FAM118A: variants seen among roughly 807,000 people sequenced by gnomAD.
FAM118A encodes SIR2 antiphage like 2, also known as protein FAM118A.
FAM118A carries 25 observed loss-of-function variants against 38.2 expected under a neutral mutation model. The observed-to-expected ratio is 0.65, with a 90% CI of 0.48 to 0.91. The LOEUF (loss-of-function observed/expected upper bound fraction) is 0.91, where lower values mean the gene tolerates loss of function less well. FAM118A is among the 40% of genes least tolerant of loss of function. The pLI is 0.00. For missense variants in FAM118A, 425 were observed against 463.3 expected (o/e 0.92, Z 0.76); for synonymous variants, 178 against 184.1 (o/e 0.97, Z 0.27).
At chr22:45,325,798 G>A (rs1187131661) in intron 3 of FAM118A, among the ~76,000 whole-genome samples, 2 of 152,124 alleles carry the variant, frequency 1.3e-5, no homozygotes, top group East Asian at 1.9e-4. Flanking sequence ...AAATTATGAC[G>A]GCACAGCTGG....
chr22:45,329,755 C>A (rs995760143), intron 4 of FAM118A: 3 of 152,282 alleles, frequency 2.0e-5, no homozygotes, highest in African/African-American at 7.2e-5. Context: ...GCCACATGGT[C>A]CCCACTGCTG....
At chr22:45,331,112 C>T (rs1431937121) in intron 5 of FAM118A, among the ~76,000 whole-genome samples, 1 of 152,180 alleles carries the variant, frequency 6.6e-6, no homozygotes, top group African/African-American at 2.4e-5. Context: ...TGTCCTTGTT[C>T]TTCCAGGCTT....
intron 6 of FAM118A, among the ~76,000 whole-genome samples, chr22:45,333,667 C>CT (rs1569152772): frequency 8.5e-6 from 1 of 117,746 alleles, no homozygotes; most frequent in African/African-American, 4.3e-5. Flanking sequence ...GAGCAAGACT[C>CT]TGTTTCCAAA....
intron 6 of FAM118A, among the ~76,000 whole-genome samples, chr22:45,334,528 A>T (rs2085950108): frequency 6.6e-6 from 1 of 152,244 alleles, no homozygotes; most frequent in Admixed American, 6.5e-5. Flanking sequence ...TTAGGGCAAC[A>T]GCTTCTTATT....
chr22:45,313,084 A>G (rs994241890), intron 1 of FAM118A, among the ~76,000 whole-genome samples: 5 of 152,238 alleles, frequency 3.3e-5, no homozygotes, highest in African/African-American at 4.8e-5. Flanking sequence ...ATCTGCGTCA[A>G]TCAGCTCATT....
chr22:45,326,167 G>A (rs1364228624), intron 3 of FAM118A, among the ~76,000 whole-genome samples: 5 of 146,340 alleles, frequency 3.4e-5, no homozygotes, highest in African/African-American at 4.9e-5. Flanking sequence ...GTGTCCTCCT[G>A]AACCCGCCCC....
intron 2 of FAM118A, 110 bp from the exon 3 acceptor site, chr22:45,323,064 TG>T: frequency 1.8e-6 from 2 of 1,111,088 alleles, no homozygotes; most frequent in Non-Finnish European, 2.6e-6. Flanking sequence ...TGTGTGTGTG[TG>T]TGTGTGTGTG....
At chr22:45,315,206 CTGTT>C (rs2084552376) in intron 1 of FAM118A, among the ~76,000 whole-genome samples, 1 of 152,180 alleles carries the variant, frequency 6.6e-6, no homozygotes, top group African/African-American at 2.4e-5. Flanking sequence ...CCAAGCAGCT[CTGTT>C]TGGTGGGACT....
intron 8 of FAM118A, among the ~76,000 whole-genome samples, chr22:45,337,608 A>T (rs7285066): frequency 0.056 from 8,347 of 149,910 alleles, 585 homozygotes; most frequent in African/African-American, 0.17. Flanking sequence ...ATTTTTTTTT[A>T]AAAAAAGTAT....
intron 3 of FAM118A, among the ~76,000 whole-genome samples, chr22:45,326,739 AT>A (rs758346660): frequency 1.4e-5 from 2 of 147,280 alleles, no homozygotes; most frequent in Non-Finnish European, 3.0e-5. Context: ...AGGCAGGAGA[AT>A]TGCTTGAACC....
At chr22:45,334,519 T>C (rs1395387490) in intron 6 of FAM118A, among the ~76,000 whole-genome samples, 2 of 152,328 alleles carry the variant, frequency 1.3e-5, no homozygotes, top group Admixed American at 6.5e-5. Context: ...AAAGTATGAT[T>C]AGGGCAACAG....
Position 45,341,420 on chromosome 22 carries a change from T to C in FAM118A, c.*1015T>C, listed in dbSNP as rs2086447046. 6.6e-6 allele frequency: 1 copy of C among 152,194 alleles called. No individual in the cohort carries two copies. The highest frequency in any genetic ancestry group is 1.5e-5 in the Non-Finnish European group (1 of 68,032). 9.4% of individuals were successfully genotyped at this position (152,194 alleles called of 1,614,324 possible). A position where few individuals can be genotyped will look rare whatever the true frequency, so the allele number is the denominator to read the frequency against. ...TAGCTCAAGTTCGAGAGACCAGGTT[T>C]CAAACATTATAAGTTCCAGGCTTTG... On this transcript the variant is annotated 3_prime_UTR_variant, in exon 9 of 9. Coordinates refer to ENST00000441876, the MANE Select transcript of FAM118A (RefSeq NM_017911.4).
rs369678883 is a variant in FAM118A at position 45,337,071 on chromosome 22, T to G, written c.1054+660T>G. ...TCCTCCCCTCCTCCTCCTCCCAGGTTTGCGTAGTGCTGTGTGTTATTTCTC... is the reference window on the plus strand; with the variant it reads ...TCCTCCCCTCCTCCTCCTCCCAGGTGTGCGTAGTGCTGTGTGTTATTTCTC... On this transcript the variant is annotated intron_variant, in intron 8 of 8. Transcript: ENST00000441876. 1.3e-4 allele frequency among the ~76,000 whole-genome samples: 20 copies of G among 152,310 alleles called. 1 individual carries two copies. Among genetic ancestry groups the G allele is most frequent in the African/African-American group, 4.6e-4 (19 of 41,572 alleles).
At chr22:45,338,594 G>C (rs1364559586) in intron 8 of FAM118A, among the ~76,000 whole-genome samples, 1 of 152,210 alleles carries the variant, frequency 6.6e-6, no homozygotes, top group African/African-American at 2.4e-5. Context: ...GAACTCTGGA[G>C]ACAGAAGTCA....
intron 1 of FAM118A, among the ~76,000 whole-genome samples, chr22:45,313,319 GTTT>G (rs11322212): frequency 5.3e-5 from 6 of 112,670 alleles, no homozygotes; most frequent in African/African-American, 6.0e-5. Context: ...TGTCGTGAGG[GTTT>G]TTTTTTTTTT....
At chr22:45,317,843 C>T (rs1453447452) in intron 1 of FAM118A, among the ~76,000 whole-genome samples, 2 of 152,198 alleles carry the variant, frequency 1.3e-5, no homozygotes, top group African/African-American at 4.8e-5. Flanking sequence ...CCGGGACAGG[C>T]TCTGTCGTAA....
intron 5 of FAM118A, among the ~76,000 whole-genome samples, chr22:45,331,916 C>T (rs868696199): frequency 6.6e-6 from 1 of 152,098 alleles, no homozygotes; most frequent in African/African-American, 2.4e-5. Flanking sequence ...GCTCTCTTGC[C>T]CTCATTCGCA....
chr22:45,321,204 C>T (rs190598322), intron 1 of FAM118A, among the ~76,000 whole-genome samples: 4 of 152,068 alleles, frequency 2.6e-5, no homozygotes, highest in Admixed American at 2.6e-4. Flanking sequence ...GCAACCTCCA[C>T]CTCCTGGGTT....
chr22:45,319,135 C>T (rs1319707023), intron 1 of FAM118A, among the ~76,000 whole-genome samples: 1 of 152,158 alleles, frequency 6.6e-6, no homozygotes, highest in East Asian at 1.9e-4. Flanking sequence ...TGTGGAGAAT[C>T]GAAAGCAATT....
Sources: allele counts gnomAD v4.1 joint callset (sites outside exome capture counted in the v4.1 genomes callset), GRCh38; gene constraint gnomAD v4.1.1; transcripts MANE v1.5; gene names NCBI Gene and HGNC (gene_info 2026-07-23, HGNC 2026-07-21).